The following SUGP2 variants were observed in gnomAD, a reference collection of about 807,000 sequenced individuals.
The protein encoded by SUGP2 is SURP and G-patch domain containing 2.
SUGP2 carries 24 observed loss-of-function variants against 90.5 expected under a neutral mutation model. That is an observed-to-expected ratio of 0.27 (90% CI 0.19 to 0.37). The LOEUF is 0.37. SUGP2 is among the 10% of genes least tolerant of loss of function. The pLI is 1.00. For synonymous variants in SUGP2, 473 were observed against 513.4 expected, an observed-to-expected ratio of 0.92 and a Z score of 1.06; for missense variants, 1,233 against 1,363.3, an observed-to-expected ratio of 0.90 and a Z score of 1.51.
chr19:19,000,316 G>A lies in SUGP2; in HGVS notation c.2991+1297C>T, dbSNP rs933262143. Reference sequence around the variant, plus strand: ...CCTCCCTTGGCTTTCCCAATTCAGCGGCATCCCCTCGACCCCACCTTATTC... The same window carrying A: ...CCTCCCTTGGCTTTCCCAATTCAGCAGCATCCCCTCGACCCCACCTTATTC... On this transcript the variant is annotated intron_variant, in intron 8 of 10. Coordinates refer to ENST00000452918, the MANE Select transcript of SUGP2 (RefSeq NM_001017392.5). 5.3e-5 allele frequency among the ~76,000 whole-genome samples: 8 copies of A among 152,120 alleles called. No individual in the cohort carries two copies. In the South Asian group the frequency reaches 8.3e-4, roughly 16 times the overall value.
chr19:19,031,304 T>C (rs2059140236), intron 1 of SUGP2, among the ~76,000 whole-genome samples: 1 of 151,976 alleles, frequency 6.6e-6, no homozygotes, highest in Non-Finnish European at 1.5e-5. Flanking sequence ...GAGGCTGAGG[T>C]GAGCGGATCA....
In SUGP2 at chr19:19,025,935, A is replaced by G; in HGVS notation, c.413T>C (p.Phe138Ser). The change falls in exon 3 of 11, where the codon TTT becomes TCT. Residue 138 changes from phenylalanine (F) to serine (S), a missense_variant. Transcript: ENST00000452918. Reference sequence around the variant, plus strand: ...TTGTTCCCAAGAACCACGGAGCGCAAATTTCCAGTCCTGAGAACGGAAATG... The same window carrying G: ...TTGTTCCCAAGAACCACGGAGCGCAGATTTCCAGTCCTGAGAACGGAAATG... ...LGHFRSQDWK[F>S]ALRGSWEQDF... 6.2e-7 allele frequency: 1 copy of G among 1,614,138 alleles called. No individual in the cohort carries two copies. Among genetic ancestry groups the G allele is most frequent in the African/African-American group, 1.3e-5 (1 of 75,034 alleles).
At chr19:19,002,245 T>G (rs2057863722) in intron 7 of SUGP2, among the ~76,000 whole-genome samples, 1 of 151,948 alleles carries the variant, frequency 6.6e-6, no homozygotes, top group Admixed American at 6.6e-5. Flanking sequence ...CCAGGCGTGG[T>G]GGCGGGAGCC....
In SUGP2 at chr19:19,024,825, G is replaced by C; in HGVS notation, c.1523C>G (p.Ala508Gly). The C allele has an allele frequency of 1.2e-6, 2 of 1,614,210 alleles. No homozygotes were observed. Among genetic ancestry groups the C allele is most frequent in the South Asian group, 1.1e-5 (1 of 91,086 alleles). ...GTTTGGAAACGCAGCAGGTGAGGGA[G>C]CTATATCTTGCAGGCCGACAGCTTC... ...ILEAVGLQDI[A>G]PSPAAFPNFE... is the part of the protein sequence containing the mutation. Residue 508 changes from alanine to glycine, a missense_variant, in exon 3 of 11, where the codon GCT becomes GGT. Ala to Gly is a moderately conservative substitution (Grantham distance 60). Around this residue, in one of 8 missense-constraint regions of SUGP2, gnomAD observed 540 missense variants for 542.6 expected, o/e 1.00. Transcript: ENST00000452918.
intron 7 of SUGP2, among the ~76,000 whole-genome samples, chr19:19,002,154 C>T (rs931990031): frequency 3.3e-5 from 5 of 152,120 alleles, no homozygotes; most frequent in South Asian, 2.1e-4. Flanking sequence ...CCGAGATGGG[C>T]GGATCACCCG....
rs541035719 is a variant in SUGP2, at chr19:18,997,164, C to A, written c.2992-1884G>T. On this transcript the variant is annotated intron_variant, in intron 8 of 10. Transcript: ENST00000452918. ...AATTCAACCAAAAGACAAATCCCCC[C>A]CTTGCCATCTGCATTGAGGTGCCCA... Among the ~76,000 whole-genome samples, 16 of 152,268 alleles carry A rather than the reference C, an allele frequency of 1.1e-4. No individual in the cohort carries two copies. In the South Asian group the frequency reaches 2.9e-3, roughly 28 times the overall value.
At chr19:19,033,637 C>T (rs1335723142), upstream of SUGP2, 1 of 1,115,002 alleles carries the variant, frequency 9.0e-7, no homozygotes, top group African/African-American at 1.6e-5. Context: ...GCGCTGTCCG[C>T]TTCTTCTGGG....
At chr19:19,001,874 C>T (rs779931548) in intron 7 of SUGP2, among the ~76,000 whole-genome samples, 200 bp from the exon 8 acceptor site, 7 of 152,174 alleles carry the variant, frequency 4.6e-5, no homozygotes, top group Non-Finnish European at 1.0e-4. Flanking sequence ...AGACGGGACA[C>T]GCTCAGGGTA....
chr19:19,032,154 A>AT (rs1299455558), intron 1 of SUGP2, among the ~76,000 whole-genome samples: 2 of 83,324 alleles, frequency 2.4e-5, no homozygotes, highest in Non-Finnish European at 4.9e-5. Context: ...GAAGAGATCA[A>AT]TCTTTTTTTT....
intron 3 of SUGP2, among the ~76,000 whole-genome samples, chr19:19,022,689 C>T (rs1432477014): frequency 6.6e-6 from 1 of 152,088 alleles, no homozygotes; most frequent in Non-Finnish European, 1.5e-5. Context: ...TTCCTTCATA[C>T]AGTATGCCAT....
rs1020318490 is a variant in SUGP2 at position 18,992,147 on chromosome 19, T to A, written c.*1594A>T. On this transcript the variant is annotated 3_prime_UTR_variant, in exon 11 of 11. Transcript: ENST00000452918. The stretch of plus-strand genomic sequence containing the variant: ...CTCACTGCAACCTCCGCCTCCCGGG[T>A]TCAAGTGATTCTCCTGCCTCAGCCT... 7 of 150,746 alleles carry A rather than the reference T, an allele frequency of 4.6e-5. No homozygotes were observed. Among genetic ancestry groups the A allele is most frequent in the African/African-American group, 1.7e-4 (7 of 40,818 alleles). The allele number at this position is 150,746 out of a possible 1,614,324, so 9.3% of individuals were successfully genotyped here. A position where few individuals can be genotyped will look rare whatever the true frequency, so the allele number is the denominator to read the frequency against.
chr19:19,031,226 G>T, intron 1 of SUGP2, 144 bp from the exon 2 acceptor site: 2 of 803,322 alleles, frequency 2.5e-6, no homozygotes, highest in Admixed American at 2.7e-5. Flanking sequence ...TAGGCAACAT[G>T]ATGAAACTAA....
upstream of SUGP2, chr19:19,033,617 T>C: frequency 8.7e-7 from 1 of 1,154,598 alleles, no homozygotes; most frequent in Non-Finnish European, 1.1e-6. Flanking sequence ...CCCGGCTCTC[T>C]TGCGCAAGCG....
At chr19:19,002,435 T>C (rs2057873935) in intron 7 of SUGP2, among the ~76,000 whole-genome samples, 1 of 151,036 alleles carries the variant, frequency 6.6e-6, no homozygotes, top group Non-Finnish European at 1.5e-5. Context: ...AAAACAACCA[T>C]GCTTCTCATA....
intron 4 of SUGP2, among the ~76,000 whole-genome samples, chr19:19,015,313 G>A (rs2058459569): frequency 6.6e-6 from 1 of 152,172 alleles, no homozygotes; most frequent in Admixed American, 6.5e-5. Context: ...GTGGAACATG[G>A]AAACAGGTCA....
intron 8 of SUGP2, among the ~76,000 whole-genome samples, chr19:18,998,590 G>A (rs1197157698): frequency 1.3e-5 from 2 of 151,318 alleles, no homozygotes; most frequent in Non-Finnish European, 2.9e-5. Flanking sequence ...GTGTGTGTAT[G>A]CATGTGTGTG....
intron 7 of SUGP2, 57 bp from the exon 8 acceptor site, chr19:19,001,731 A>G: frequency 6.4e-7 from 1 of 1,559,932 alleles, no homozygotes; most frequent in Non-Finnish European, 8.8e-7. Flanking sequence ...TAAATTACTT[A>G]GAGACTGAAG....
Position 19,014,970 on chromosome 19 carries a change from G to A in SUGP2, c.1850+4139C>T, listed in dbSNP as rs936038930. On this transcript the variant is annotated intron_variant, in intron 4 of 10. Transcript: ENST00000452918. ...TAATTCCAGCGCTTTGGGAGGCCAA[G>A]GCAGGAGGATCATGAGGTCAGGAGA... Among the ~76,000 whole-genome samples, 97 of 152,106 alleles carry A rather than the reference G, an allele frequency of 6.4e-4. 1 individual carries two copies. The highest frequency in any genetic ancestry group is 1.8e-4 in the Non-Finnish European group (12 of 68,020).
intron 1 of SUGP2, among the ~76,000 whole-genome samples, 191 bp from the exon 2 acceptor site, chr19:19,031,273 C>T (rs2059139358): frequency 6.6e-6 from 1 of 152,076 alleles, no homozygotes. Flanking sequence ...GTGGCTCACA[C>T]CTGTAATCCC....
Sources: gnomAD v4.1 joint callset for allele counts (sites outside exome capture counted in the v4.1 genomes callset) on GRCh38, gnomAD v4.1.1 for gene constraint, gnomAD v4.1.1 regional missense constraint, MANE v1.5 for transcripts, NCBI Gene and HGNC (gene_info 2026-07-23, HGNC 2026-07-21) for gene names.